Variants in TRABD2B observed in about 807,000 individuals in gnomAD.
TRABD2B encodes the protein metalloprotease TIKI2.
A neutral mutation model predicts 40.1 loss-of-function variants in TRABD2B; 14 were observed. That is an observed-to-expected ratio of 0.35 (90% confidence interval 0.23 to 0.55). The LOEUF is 0.55. TRABD2B is among the 20% of genes least tolerant of loss of function. The probability of loss-of-function intolerance (pLI) is 0.90; values close to 1 mark genes in which losing one functional copy is unlikely to be tolerated. For missense variants in TRABD2B, 541 were observed against 648.6 expected (o/e 0.83, Z 1.80); for synonymous variants, 263 against 277.0 (o/e 0.95, Z 0.50).
At chr1:47,791,489 T>C (rs1644671306) in intron 4 of TRABD2B, among the ~76,000 whole-genome samples, 1 of 152,234 alleles carries the variant, frequency 6.6e-6, no homozygotes, top group Non-Finnish European at 1.5e-5. Context: ...AGACCCTTCC[T>C]ACATCCCATA....
intron 2 of TRABD2B, among the ~76,000 whole-genome samples, chr1:47,911,990 C>T (rs746477862): frequency 5.3e-5 from 8 of 152,150 alleles, no homozygotes; most frequent in Non-Finnish European, 1.2e-4. Context: ...ACGCAACGCC[C>T]AAGTACTAAG....
chr1:47,897,720 C>A (rs1232576247), intron 2 of TRABD2B, among the ~76,000 whole-genome samples: 3 of 152,184 alleles, frequency 2.0e-5, no homozygotes, highest in African/African-American at 7.2e-5. Context: ...CACACACACA[C>A]ACATATACAA....
At position 47,760,594 on chromosome 1, in the gene TRABD2B, T is replaced by C. The variant is rs987523139; in HGVS notation, c.*5308A>G. ...AATATTTTTGGCAAAATAACATTAATAGCATCTTTCTTTGTCTTCTATTTA... is the reference window on the plus strand; with the variant it reads ...AATATTTTTGGCAAAATAACATTAACAGCATCTTTCTTTGTCTTCTATTTA... On this transcript the variant is annotated 3_prime_UTR_variant, in exon 7 of 7. Transcript: ENST00000606738. The C allele has an allele frequency of 1.3e-5, 2 of 152,226 alleles. No individual in the cohort carries two copies. Among genetic ancestry groups the C allele is most frequent in the Admixed American group, 1.3e-4 (2 of 15,284 alleles). 9.4% of individuals were successfully genotyped at this position (152,226 alleles called of 1,614,324 possible).
chr1:47,917,173 G>A (rs542312551), intron 2 of TRABD2B, among the ~76,000 whole-genome samples: 1 of 152,342 alleles, frequency 6.6e-6, no homozygotes, highest in African/African-American at 2.4e-5. Flanking sequence ...CCACAGAGGT[G>A]AGAAGAGAGA....
At chr1:47,860,302 T>G (rs190070037) in intron 2 of TRABD2B, among the ~76,000 whole-genome samples, 4 of 152,316 alleles carry the variant, frequency 2.6e-5, no homozygotes, top group Admixed American at 1.3e-4. Flanking sequence ...ACACTTGCCC[T>G]CTTCCAAGCT....
In TRABD2B at chr1:47,989,749, AACACACAC is replaced by A. The variant is rs141660023; in HGVS notation, c.666+4277_666+4284del. On this transcript the variant is annotated intron_variant, in intron 2 of 6. Transcript: ENST00000606738. ...AGAAATGATGGTCTACCACCATTCC[AACACACAC>A]ACACACACACACACACAAACACACA... Among the ~76,000 whole-genome samples, 3 of 149,018 alleles carry A rather than the reference AACACACAC, an allele frequency of 2.0e-5. 1 individual carries two copies. The highest frequency in any genetic ancestry group is 4.3e-4 in the South Asian group (2 of 4,688).
intron 2 of TRABD2B, among the ~76,000 whole-genome samples, chr1:47,899,393 C>T (rs189159979): frequency 3.3e-5 from 5 of 152,286 alleles, no homozygotes; most frequent in Admixed American, 6.5e-5. Context: ...GAAGGACCTG[C>T]GAGCGCTTCT....
chr1:47,911,116 A>G (rs1288689382), intron 2 of TRABD2B, among the ~76,000 whole-genome samples: 1 of 152,226 alleles, frequency 6.6e-6, no homozygotes, highest in Non-Finnish European at 1.5e-5. Context: ...CATGGGGGAA[A>G]ATAGAAATGT....
At chr1:47,906,109 A>G (rs1309018953) in intron 2 of TRABD2B, among the ~76,000 whole-genome samples, 1 of 152,222 alleles carries the variant, frequency 6.6e-6, no homozygotes, top group Non-Finnish European at 1.5e-5. Context: ...TGGGATCAGA[A>G]GCCAGGTTTC....
intron 2 of TRABD2B, among the ~76,000 whole-genome samples, chr1:47,878,308 T>C (rs1456280237): frequency 5.3e-5 from 8 of 152,044 alleles, no homozygotes; most frequent in Non-Finnish European, 1.2e-4. Context: ...AGAGAGAGAC[T>C]CTCCCCTGCA....
chr1:47,793,297 C>T (rs891525940), intron 4 of TRABD2B, among the ~76,000 whole-genome samples: 1 of 152,228 alleles, frequency 6.6e-6, no homozygotes, highest in African/African-American at 2.4e-5. Context: ...ACCCAGAACT[C>T]TTTCTGCCCA....
At chr1:47,908,158 CT>C (rs1394484073) in intron 2 of TRABD2B, among the ~76,000 whole-genome samples, 1 of 152,060 alleles carries the variant, frequency 6.6e-6, no homozygotes, top group East Asian at 1.9e-4. Context: ...CAGGAAGTTT[CT>C]GAAGAGTATG....
At chr1:47,933,184 C>A (rs1186990632) in intron 2 of TRABD2B, among the ~76,000 whole-genome samples, 2 of 151,458 alleles carry the variant, frequency 1.3e-5, no homozygotes, top group African/African-American at 4.9e-5. Flanking sequence ...TGGCTCACTG[C>A]AAGCTCTGCC....
chr1:47,807,694 A>G (rs1246934758), intron 2 of TRABD2B, among the ~76,000 whole-genome samples: 1 of 151,950 alleles, frequency 6.6e-6, no homozygotes, highest in East Asian at 1.9e-4. Flanking sequence ...TCATCCCTTT[A>G]TCATATAACA....
At chr1:47,771,679 C>G (rs981881775) in intron 6 of TRABD2B, among the ~76,000 whole-genome samples, 1 of 152,232 alleles carries the variant, frequency 6.6e-6, no homozygotes, top group South Asian at 2.1e-4. Context: ...CACAGCCCTG[C>G]CCTTCCCCCA....
chr1:47,828,488 G>A (rs1645206734), intron 2 of TRABD2B, among the ~76,000 whole-genome samples: 3 of 152,180 alleles, frequency 2.0e-5, no homozygotes, highest in Admixed American at 2.0e-4. Flanking sequence ...CGCTCAGTCA[G>A]CAGCTGCTGC....
chr1:47,780,220 C>G (rs1644502279), intron 4 of TRABD2B, among the ~76,000 whole-genome samples: 1 of 152,162 alleles, frequency 6.6e-6, no homozygotes, highest in African/African-American at 2.4e-5. Context: ...TGTCAGAGGG[C>G]TCTAGTCTGG....
chr1:47,779,935 G>A (rs1238710721), intron 4 of TRABD2B, among the ~76,000 whole-genome samples: 1 of 152,180 alleles, frequency 6.6e-6, no homozygotes, highest in Non-Finnish European at 1.5e-5. Context: ...CTCTGGCAGA[G>A]GAAGCCAGCA....
At chr1:47,881,175 AGTG>A (rs375024275) in intron 2 of TRABD2B, among the ~76,000 whole-genome samples, 1 of 151,956 alleles carries the variant, frequency 6.6e-6, no homozygotes, top group African/African-American at 2.4e-5. Context: ...CTTGGGTTGC[AGTG>A]GTGGTGGTGG....
Sources: gnomAD v4.1 joint callset for allele counts (sites outside exome capture counted in the v4.1 genomes callset) on GRCh38, gnomAD v4.1.1 for gene constraint, MANE v1.5 for transcripts, NCBI Gene and HGNC (gene_info 2026-07-23, HGNC 2026-07-21) for gene names.